ERC1: variants seen among roughly 807,000 people sequenced by gnomAD.
The protein encoded by ERC1 is RAB6 interacting protein 2.
In ERC1, 56 loss-of-function variants were observed where a neutral mutation model predicts 132.0. That is an observed-to-expected ratio of 0.42 (90% confidence interval 0.34 to 0.53). The LOEUF (loss-of-function observed/expected upper bound fraction) is 0.53. ERC1 is among the 20% of genes least tolerant of loss of function. The pLI, the probability that ERC1 is intolerant of heterozygous loss-of-function variation, is 0.03. For missense variants in ERC1, 1,202 were observed against 1,349.9 expected (o/e 0.89, Z 1.72); for synonymous variants, 478 against 476.1 (o/e 1.00, Z -0.05).
chr12:1,456,840 A>AC (rs1047836552), intron 18 of ERC1, among the ~76,000 whole-genome samples: 20 of 151,996 alleles, frequency 1.3e-4, no homozygotes, highest in Admixed American at 7.9e-4. Context: ...CACCAGAAGA[A>AC]CTGTGTTCTC....
In ERC1 at chr12:1,263,055, G is replaced by A. The variant is rs2077242759; in HGVS notation, c.2509G>A (p.Asp837Asn). ...CTAGGACAGTCTCCGTAAGAAGGAT[G>A]ACAGGATTGAAGAGCTGGAAGAAGC... Reference protein sequence around the residue: ...QLQDSLRKKDDRIEELEEALR... With the variant: ...QLQDSLRKKDNRIEELEEALR... The change falls in exon 14 of 19, where the codon GAC becomes AAC. Residue 837 changes from aspartate to asparagine, a missense_variant. Physicochemically the swap from Asp to Asn is conservative, Grantham distance 23 (BLOSUM62 1). Coordinates refer to ENST00000360905, the MANE Select transcript of ERC1 (RefSeq NM_178040.4). 1.2e-6 allele frequency: 2 copies of A among 1,613,912 alleles called. No individual in the cohort carries two copies. Among genetic ancestry groups the A allele is most frequent in the African/African-American group, 1.3e-5 (1 of 74,914 alleles).
chr12:1,078,107 T>C (rs1411169987), intron 2 of ERC1, among the ~76,000 whole-genome samples: 1 of 152,208 alleles, frequency 6.6e-6, no homozygotes, highest in Non-Finnish European at 1.5e-5. Flanking sequence ...TGCCAAAGCG[T>C]ATGTGAAACT....
chr12:1,442,224 G>T (rs1027105463), intron 17 of ERC1, among the ~76,000 whole-genome samples: 4 of 152,088 alleles, frequency 2.6e-5, no homozygotes, highest in African/African-American at 9.7e-5. Flanking sequence ...CACCATGCCC[G>T]ACCACAAGTA....
chr12:1,068,816 C>T (rs548826744), intron 2 of ERC1, among the ~76,000 whole-genome samples: 1 of 152,152 alleles, frequency 6.6e-6, no homozygotes, highest in Non-Finnish European at 1.5e-5. Context: ...ACACTGTGTT[C>T]TCATTGGAGC....
intron 15 of ERC1, among the ~76,000 whole-genome samples, chr12:1,354,790 AC>A (rs1443169315): frequency 6.6e-6 from 1 of 152,148 alleles, no homozygotes; most frequent in African/African-American, 2.4e-5. Context: ...AGCTGAGACT[AC>A]AGGAGTGCGC....
intron 11 of ERC1, among the ~76,000 whole-genome samples, chr12:1,183,902 G>A (rs1032606567): frequency 6.6e-6 from 1 of 151,572 alleles, no homozygotes; most frequent in Non-Finnish European, 1.5e-5. Context: ...TTGGGAGGCC[G>A]AGGCGGGCAG....
At chr12:1,337,606 G>A (rs1294891694) in intron 15 of ERC1, among the ~76,000 whole-genome samples, 1 of 152,176 alleles carries the variant, frequency 6.6e-6, no homozygotes, top group Non-Finnish European at 1.5e-5. Flanking sequence ...TTATTATGCA[G>A]ACTTGTTTGT....
intron 16 of ERC1, among the ~76,000 whole-genome samples, chr12:1,406,006 G>T (rs1160389013): frequency 6.6e-6 from 1 of 151,968 alleles, no homozygotes; most frequent in Non-Finnish European, 1.5e-5. Context: ...CAGTATTTTA[G>T]AATACTATTT....
rs1455971843 is a variant in ERC1 at position 1,484,076 on chromosome 12, C to G, written c.3214-6017C>G. ...ATCCCAGCACTTTGGGAGGCTGAGG[C>G]GGGCGGATCACGAGGTCAGGAGATC... On this transcript the variant is annotated intron_variant, in intron 18 of 18. Coordinates refer to ENST00000360905, the MANE Select transcript of ERC1 (RefSeq NM_178040.4). Among the ~76,000 whole-genome samples, 8 of 151,020 alleles carry G rather than the reference C, an allele frequency of 5.3e-5. No individual in the cohort carries two copies. In the East Asian group the frequency reaches 6.0e-4, roughly 11 times the overall value.
chr12:1,002,979 C>T (rs1042716300), intron 1 of ERC1, among the ~76,000 whole-genome samples: 5 of 150,668 alleles, frequency 3.3e-5, no homozygotes, highest in African/African-American at 4.9e-5. Flanking sequence ...GGCCAGGCAC[C>T]GTGGCTCATG....
At chr12:1,041,107 TA>T (rs1226582186) in intron 2 of ERC1, among the ~76,000 whole-genome samples, 1 of 151,854 alleles carries the variant, frequency 6.6e-6, no homozygotes, top group Non-Finnish European at 1.5e-5. Flanking sequence ...GATACTAAAA[TA>T]AAAAAATAAT....
At chr12:1,137,184 C>T (rs1457798146) in intron 7 of ERC1, among the ~76,000 whole-genome samples, 2 of 149,946 alleles carry the variant, frequency 1.3e-5, no homozygotes, top group Non-Finnish European at 3.0e-5. Flanking sequence ...CTGCAACCTC[C>T]GAATCCCTGG....
intron 1 of ERC1, among the ~76,000 whole-genome samples, chr12:1,006,075 G>T (rs1161291944): frequency 6.6e-6 from 1 of 151,560 alleles, no homozygotes; most frequent in African/African-American, 2.4e-5. Context: ...CTCTGCCTCA[G>T]CCTCCCAAGT....
chr12:1,411,487 G>A (rs940053995), intron 17 of ERC1, among the ~76,000 whole-genome samples: 5 of 152,042 alleles, frequency 3.3e-5, no homozygotes, highest in Non-Finnish European at 7.4e-5. Context: ...GCCATGCGCT[G>A]TGAGGTGGGA....
chr12:1,119,702 C>T (rs1229837190), intron 7 of ERC1, among the ~76,000 whole-genome samples: 1 of 152,070 alleles, frequency 6.6e-6, no homozygotes, highest in Non-Finnish European at 1.5e-5. Flanking sequence ...AGGCATGTGC[C>T]ACCACACCTG....
At chr12:1,061,176 T>C (rs1937789683) in intron 2 of ERC1, among the ~76,000 whole-genome samples, 1 of 152,172 alleles carries the variant, frequency 6.6e-6, no homozygotes, top group Non-Finnish European at 1.5e-5. Flanking sequence ...TGGTGTATAG[T>C]TGTTCATAAT....
intron 17 of ERC1, among the ~76,000 whole-genome samples, chr12:1,426,121 G>C (rs1039121281): frequency 2.1e-5 from 2 of 93,696 alleles, no homozygotes; most frequent in African/African-American, 8.1e-5. Flanking sequence ...TTTTTTTTTT[G>C]AGATGGAGCT....
At chr12:1,173,900 G>A (rs1241404379) in intron 8 of ERC1, among the ~76,000 whole-genome samples, 1 of 151,748 alleles carries the variant, frequency 6.6e-6, no homozygotes, top group Non-Finnish European at 1.5e-5. Flanking sequence ...GTGAGTGAGG[G>A]CTCAGCTGTT....
At chr12:1,445,008 T>C (rs76031764) in intron 18 of ERC1, 6,814 of 366,146 alleles carry the variant, frequency 0.019, 473 homozygotes, top group African/African-American at 0.13. Flanking sequence ...GATTTTTTAC[T>C]GTTTTATTTT....
Sources: allele counts gnomAD v4.1 joint callset (sites outside exome capture counted in the v4.1 genomes callset), GRCh38; gene constraint gnomAD v4.1.1; transcripts MANE v1.5; gene names NCBI Gene and HGNC (gene_info 2026-07-23, HGNC 2026-07-21).